OLFML2B: variants seen among roughly 807,000 people sequenced by gnomAD.
The protein encoded by OLFML2B is olfactomedin like 2B.
A neutral mutation model predicts 74.9 loss-of-function variants in OLFML2B; 57 were observed. That is an observed-to-expected ratio of 0.76 (90% CI 0.61 to 0.95). The LOEUF (loss-of-function observed/expected upper bound fraction) is 0.95, where lower values mean the gene tolerates loss of function less well. OLFML2B is among the 40% of genes least tolerant of loss of function. The pLI is 0.00. For synonymous variants in OLFML2B, 388 were observed against 405.8 expected (o/e 0.96, Z 0.53); for missense variants, 986 against 970.6 (o/e 1.02, Z -0.21).
intron 3 of OLFML2B, among the ~76,000 whole-genome samples, chr1:162,013,934 ACAC>A (rs1444519963): frequency 2.8e-5 from 3 of 108,906 alleles, no homozygotes; most frequent in African/African-American, 1.0e-4. Context: ...ACACACACAC[ACAC>A]ACTTCTGTAG....
intron 3 of OLFML2B, among the ~76,000 whole-genome samples, chr1:162,010,941 G>A (rs1338068287): frequency 6.6e-6 from 1 of 152,140 alleles, no homozygotes; most frequent in African/African-American, 2.4e-5. Flanking sequence ...TGCTGGGCAA[G>A]GAAATCAGGC....
At chr1:161,991,564 A>AGATGGAG (rs1367647722) in intron 6 of OLFML2B, among the ~76,000 whole-genome samples, 6 of 152,248 alleles carry the variant, frequency 3.9e-5, no homozygotes, top group African/African-American at 1.4e-4. Context: ...GTGAAACTCC[A>AGATGGAG]TCTCTACTAA....
chr1:162,019,895 G>C, intron 2 of OLFML2B, 24 bp downstream of exon 2: 4 of 1,611,796 alleles, frequency 2.5e-6, no homozygotes, highest in African/African-American at 1.3e-5. Context: ...CTCGTCCAAG[G>C]CATTGCCCCA....
At position 161,984,985 on chromosome 1, in the gene OLFML2B, TGGA is replaced by T; in HGVS notation, c.1475-8_1475-6del. ...AGAGAGTGTCCTTGCACCTTCCTGG[TGGA>T]GAAGAGGTGGATGGAGGTTTTGGGC... On this transcript the variant is annotated splice_region_variant and splice_polypyrimidine_tract_variant and intron_variant, in intron 6 of 7. Coordinates refer to ENST00000294794, the MANE Select transcript of OLFML2B (RefSeq NM_015441.3). 6.2e-7 allele frequency: 1 copy of T among 1,603,440 alleles called. No homozygotes were observed. The highest frequency in any genetic ancestry group is 8.5e-7 in the Non-Finnish European group (1 of 1,175,882).
chr1:161,985,959 A>G (rs1257679210), intron 6 of OLFML2B, among the ~76,000 whole-genome samples: 2 of 152,222 alleles, frequency 1.3e-5, no homozygotes, highest in African/African-American at 4.8e-5. Flanking sequence ...AGAGCCTGCA[A>G]TGCTTATATG....
At chr1:162,018,867 G>C (rs1005629159) in intron 2 of OLFML2B, among the ~76,000 whole-genome samples, 2 of 152,182 alleles carry the variant, frequency 1.3e-5, no homozygotes, top group Non-Finnish European at 2.9e-5. Flanking sequence ...ATCCTGGATA[G>C]AAGCCATAAA....
At position 161,984,285 on chromosome 1, in the gene OLFML2B, G is replaced by C; in HGVS notation, c.1652-9C>G. 2 of 1,517,772 alleles carry C rather than the reference G, an allele frequency of 1.3e-6. No homozygotes were observed. Among genetic ancestry groups the C allele is most frequent in the Non-Finnish European group, 8.8e-7 (1 of 1,133,868 alleles). 94.0% of individuals were successfully genotyped at this position (1,517,772 alleles called of 1,614,324 possible). The stretch of plus-strand genomic sequence containing the variant: ...GGAATTGCTCCAGCGACCTGCAGGT[G>C]GGGAGAAAACAGGAGGCTTCAGAGT... On this transcript the variant is annotated splice_polypyrimidine_tract_variant and intron_variant, in intron 7 of 7. Coordinates refer to ENST00000294794, the MANE Select transcript of OLFML2B (RefSeq NM_015441.3).
intron 3 of OLFML2B, among the ~76,000 whole-genome samples, chr1:162,012,708 G>C (rs1017041637): frequency 6.6e-6 from 1 of 152,178 alleles, no homozygotes; most frequent in African/African-American, 2.4e-5. Context: ...TCTATTTTAA[G>C]AGCATGGGCT....
chr1:162,017,860 T>G lies in OLFML2B; in HGVS notation c.439-353A>C, dbSNP rs560660482. On this transcript the variant is annotated intron_variant, in intron 2 of 7. Coordinates refer to ENST00000294794, the MANE Select transcript of OLFML2B (RefSeq NM_015441.3). ...GAGCTCCTTGAAAGTAGTGTCTCAA[T>G]AGCAAAGACATGGAATCAGCCTAAA... 1.6e-4 allele frequency among the ~76,000 whole-genome samples: 24 copies of G among 152,250 alleles called. 1 individual carries two copies. The highest frequency in any genetic ancestry group is 6.2e-4 in the South Asian group (3 of 4,818).
chr1:161,989,241 C>T (rs564028197), intron 6 of OLFML2B, among the ~76,000 whole-genome samples: 59 of 152,306 alleles, frequency 3.9e-4, no homozygotes, highest in African/African-American at 1.3e-3. Context: ...CCCAGAGTCC[C>T]CATCCTAGCA....
At position 161,983,413 on chromosome 1, in the gene OLFML2B, G is replaced by T; in HGVS notation, c.*262C>A. 6.5e-6 allele frequency: 2 copies of T among 309,892 alleles called. No individual in the cohort carries two copies. The allele number at this position is 309,892 out of a possible 1,614,324, so 19.2% of individuals were successfully genotyped here. On this transcript the variant is annotated 3_prime_UTR_variant, in exon 8 of 8. Coordinates refer to ENST00000294794, the MANE Select transcript of OLFML2B (RefSeq NM_015441.3). ...AGCTGGAGGGGCTGAAGGCTTGAAG[G>T]AAGGTGGTTACTGGTCAAAAGGAGA... is the stretch of plus-strand genomic sequence containing the variant.
chr1:162,008,686 G>T (rs1373750886), intron 3 of OLFML2B, among the ~76,000 whole-genome samples: 1 of 152,222 alleles, frequency 6.6e-6, no homozygotes, highest in African/African-American at 2.4e-5. Flanking sequence ...TAAAACTGCA[G>T]ATTCCCAGGC....
At chr1:161,987,771 G>A (rs1199399635) in intron 6 of OLFML2B, among the ~76,000 whole-genome samples, 2 of 152,194 alleles carry the variant, frequency 1.3e-5, no homozygotes, top group African/African-American at 4.8e-5. Context: ...CAGGAAGAGG[G>A]GAGTCCCCGC....
At position 161,984,156 on chromosome 1, in the gene OLFML2B, T is replaced by C. The variant is rs772604352; in HGVS notation, c.1772A>G (p.Lys591Arg). ...GGCCCAGGCAGCCACGTAGCGCTGC[T>C]TCAGGTCGTACTTGATGATGTTGCG... ...FTRNIIKYDLKQRYVAAWAML... is the reference protein window; with the variant it reads ...FTRNIIKYDLRQRYVAAWAML... Residue 591 changes from lysine to arginine, a missense_variant, in exon 8 of 8, where the codon AAG (lysine) becomes AGG (arginine). Physicochemically the swap from Lys to Arg is conservative, Grantham distance 26. Coordinates refer to ENST00000294794, the MANE Select transcript of OLFML2B (RefSeq NM_015441.3). The C allele has an allele frequency of 1.9e-6, 3 of 1,609,480 alleles. No individual in the cohort carries two copies. The South Asian group carries it at 3.3e-5, about 18-fold the overall frequency.
intron 3 of OLFML2B, among the ~76,000 whole-genome samples, chr1:162,011,372 C>T (rs1690376342): frequency 6.6e-6 from 1 of 152,158 alleles, no homozygotes; most frequent in Non-Finnish European, 1.5e-5. Context: ...GGGGAGGGCT[C>T]GTAGTTCCCA....
chr1:162,004,652 C>T (rs1348945501), intron 4 of OLFML2B, among the ~76,000 whole-genome samples: 2 of 152,142 alleles, frequency 1.3e-5, no homozygotes, highest in Non-Finnish European at 2.9e-5. Flanking sequence ...ACTGCCCTAC[C>T]CAAGAGTTTC....
chr1:162,017,814 C>T (rs540934878), intron 2 of OLFML2B, among the ~76,000 whole-genome samples: 30 of 152,340 alleles, frequency 2.0e-4, no homozygotes, highest in African/African-American at 7.0e-4. Flanking sequence ...GCATTGACAT[C>T]TGTCTTTCCT....
intron 4 of OLFML2B, among the ~76,000 whole-genome samples, chr1:162,005,302 G>A (rs1204133449): frequency 6.6e-6 from 1 of 152,190 alleles, no homozygotes; most frequent in Non-Finnish European, 1.5e-5. Context: ...TCCATTCATG[G>A]GTAACTTCGT....
rs1279479624 is a variant in OLFML2B, at chr1:162,023,509, G to C, written c.-79C>G. 1.5e-6 allele frequency: 2 copies of C among 1,353,030 alleles called. No individual in the cohort carries two copies. The highest frequency in any genetic ancestry group is 5.5e-5 in the East Asian group (2 of 36,282). The allele number at this position is 1,353,030 out of a possible 1,614,324, so 83.8% of individuals were successfully genotyped here. A position where few individuals can be genotyped will look rare whatever the true frequency, so the allele number is the denominator to read the frequency against. On this transcript the variant is annotated 5_prime_UTR_variant, in exon 1 of 8. Coordinates refer to ENST00000294794, the MANE Select transcript of OLFML2B (RefSeq NM_015441.3). ...GGTCTCGGCAAGGACTTCTGCGAGA[G>C]GGTGTCCTCGCTAGAGCCCGAAAGT...
Sources: allele counts gnomAD v4.1 joint callset (sites outside exome capture counted in the v4.1 genomes callset), GRCh38; gene constraint gnomAD v4.1.1; transcripts MANE v1.5; gene names NCBI Gene and HGNC (gene_info 2026-07-23, HGNC 2026-07-21).